The following ZNF532 variants were observed in gnomAD, a reference collection of about 807,000 sequenced individuals.
ZNF532 encodes the protein zinc finger protein 532.
Under a neutral mutation model 89.3 loss-of-function variants are expected in ZNF532, and 22 were observed. The ratio of observed to expected loss-of-function variants is 0.25; its 90% CI spans 0.18 to 0.35. The LOEUF is 0.35. Ranked by LOEUF, ZNF532 falls within the 10% of genes least tolerant of loss-of-function variation. ZNF532 has a pLI of 1.00. For missense variants in ZNF532, 1,132 were observed against 1,643.4 expected (o/e 0.69, Z 5.38); for synonymous variants, 606 against 649.6 (o/e 0.93, Z 1.02).
intron 3 of ZNF532, among the ~76,000 whole-genome samples, chr18:58,931,480 A>G (rs2146390020): frequency 6.6e-6 from 1 of 152,314 alleles, no homozygotes; most frequent in East Asian, 1.9e-4. Flanking sequence ...CATCACCACT[A>G]TCATGGGAAA....
At chr18:58,973,756 A>C (rs1417836066) in intron 7 of ZNF532, among the ~76,000 whole-genome samples, 2 of 152,238 alleles carry the variant, frequency 1.3e-5, no homozygotes, top group Non-Finnish European at 2.9e-5. Flanking sequence ...TCACTTGGCA[A>C]GTGAATAAAC....
chr18:58,911,819 C>G (rs2060301772), intron 2 of ZNF532, among the ~76,000 whole-genome samples: 1 of 152,236 alleles, frequency 6.6e-6, no homozygotes, highest in African/African-American at 2.4e-5. Flanking sequence ...TTCCCTGGAG[C>G]TTCTCTCCTG....
chr18:58,901,386 C>T (rs2059591938), intron 2 of ZNF532, among the ~76,000 whole-genome samples: 1 of 152,210 alleles, frequency 6.6e-6, no homozygotes, highest in Non-Finnish European at 1.5e-5. Flanking sequence ...CGCTCGGCCT[C>T]TGGCAGTTTT....
chr18:58,900,006 T>C (rs185878225), intron 2 of ZNF532, among the ~76,000 whole-genome samples: 5 of 152,344 alleles, frequency 3.3e-5, no homozygotes, highest in East Asian at 3.9e-4. Context: ...ATTGTACATA[T>C]ATTCTTTTCT....
Position 58,918,906 on chromosome 18 carries a change from G to A in ZNF532, c.619G>A (p.Ala207Thr). Residue 207 changes from alanine (A) to threonine (T), a missense_variant, in exon 3 of 10, where the codon GCC becomes ACC. By Grantham distance (58) the Ala-to-Thr change is moderately conservative (BLOSUM62 0). Around this residue, in one of 9 missense-constraint regions of ZNF532, gnomAD observed 302 missense variants for 319.8 expected, o/e 0.94. Coordinates refer to ENST00000591808, the MANE Select transcript of ZNF532 (RefSeq NM_001375912.1). ...CAAAGCTGTTAAGAGAGAAACAGAA[G>A]CCAGTTCTATAAACCTGAGTGTTTA... ...KNKAVKRETE[A>T]SSINLSVYEP... The A allele has an allele frequency of 6.2e-7, 1 of 1,614,076 alleles. No homozygotes were observed. The highest frequency in any genetic ancestry group is 8.5e-7 in the Non-Finnish European group (1 of 1,180,046).
chr18:58,896,214 G>C (rs940228233), intron 2 of ZNF532, among the ~76,000 whole-genome samples: 1 of 151,876 alleles, frequency 6.6e-6, no homozygotes, highest in Non-Finnish European at 1.5e-5. Context: ...TTTTGTTGTT[G>C]TTGTTTGTTT....
At chr18:58,896,741 A>C (rs533522575) in intron 2 of ZNF532, 4 of 152,352 alleles carry the variant, frequency 2.6e-5, no homozygotes, top group East Asian at 1.9e-4. Flanking sequence ...AAGTAAAACA[A>C]CACCACCACA....
chr18:58,878,079 A>G (rs1297145539), intron 2 of ZNF532, among the ~76,000 whole-genome samples: 1 of 151,966 alleles, frequency 6.6e-6, no homozygotes, highest in African/African-American at 2.4e-5. Flanking sequence ...ACATGGTGAA[A>G]CCCAGTCTCT....
Position 58,918,827 on chromosome 18 carries a change from A to T in ZNF532, c.540A>T (p.Gly180=), listed in dbSNP as rs1293996902. 6.2e-7 allele frequency: 1 copy of T among 1,614,172 alleles called. No individual in the cohort carries two copies. Among genetic ancestry groups the T allele is most frequent in the Non-Finnish European group, 8.5e-7 (1 of 1,180,034 alleles). Residue 180 remains glycine (G), a synonymous_variant, in exon 3 of 10, where the codon GGA becomes GGT. Transcript: ENST00000591808. ...QQDYDKLKAL[G]GENSSKTGLS... ...ACTACGATAAGCTGAAGGCACTCGGAGGGGAAAACTCCAGCAAAACTGGAC... is the reference window on the plus strand; with the variant it reads ...ACTACGATAAGCTGAAGGCACTCGGTGGGGAAAACTCCAGCAAAACTGGAC...
intron 2 of ZNF532, among the ~76,000 whole-genome samples, chr18:58,914,832 G>A (rs908434635): frequency 6.6e-6 from 1 of 152,158 alleles, no homozygotes; most frequent in African/African-American, 2.4e-5. Flanking sequence ...AAATGAGATC[G>A]TTCTATTTTA....
intron 5 of ZNF532, among the ~76,000 whole-genome samples, chr18:58,943,683 G>C (rs192096641): frequency 6.6e-6 from 1 of 151,972 alleles, no homozygotes; most frequent in Admixed American, 6.6e-5. Context: ...GGAGGGTCTC[G>C]ATCTCTTTAC....
rs73439977 is a variant in ZNF532, at chr18:58,965,454, T to A, written c.3150+11655T>A. Among the ~76,000 whole-genome samples the A allele has an allele frequency of 8.8e-3, 1,341 of 152,380 alleles. 16 individuals are homozygous for A. The highest frequency in any genetic ancestry group is 0.031 in the African/African-American group (1,283 of 41,596). On this transcript the variant is annotated intron_variant, in intron 7 of 9. Coordinates refer to ENST00000591808, the MANE Select transcript of ZNF532 (RefSeq NM_001375912.1). ...CCCAGACTCTGCAGTTTGCACAGAA[T>A]GAAAGCTGACATTTCAAAAGCTGCT...
At chr18:58,920,735 C>CGTGTGTGTGT (rs5825306) in intron 3 of ZNF532, 102 bp downstream of exon 3, 13 of 421,502 alleles carry the variant, frequency 3.1e-5, no homozygotes, top group South Asian at 3.8e-5. Flanking sequence ...GTGAAATGGA[C>CGTGTGTGTGT]GTGTGTGTGT....
chr18:58,932,050 C>T (rs1236644301), intron 3 of ZNF532, among the ~76,000 whole-genome samples: 1 of 152,194 alleles, frequency 6.6e-6, no homozygotes, highest in East Asian at 1.9e-4. Context: ...CGTGGATATG[C>T]ATGCATCTAC....
chr18:58,891,608 G>A (rs531322368), intron 2 of ZNF532, among the ~76,000 whole-genome samples: 2 of 152,342 alleles, frequency 1.3e-5, no homozygotes, highest in East Asian at 3.9e-4. Context: ...TGCTTTGTAA[G>A]TGTGATTAAA....
At chr18:58,933,517 T>C (rs1827259888) in intron 3 of ZNF532, among the ~76,000 whole-genome samples, 1 of 152,234 alleles carries the variant, frequency 6.6e-6, no homozygotes, top group South Asian at 2.1e-4. Context: ...TTTTAGAAGA[T>C]GGTAGATAAT....
intron 2 of ZNF532, among the ~76,000 whole-genome samples, chr18:58,893,440 G>A (rs1221053937): frequency 1.3e-5 from 2 of 152,086 alleles, no homozygotes; most frequent in African/African-American, 4.8e-5. Context: ...GCTGAGATGG[G>A]TGGATCGCTT....
intron 7 of ZNF532, among the ~76,000 whole-genome samples, chr18:58,971,980 G>A (rs184928906): frequency 2.2e-3 from 334 of 152,324 alleles, no homozygotes; most frequent in African/African-American, 7.7e-3. Flanking sequence ...GAGGCGGGTA[G>A]ATCACCTGAG....
intron 7 of ZNF532, among the ~76,000 whole-genome samples, chr18:58,976,918 A>G (rs1219467984): frequency 6.6e-6 from 1 of 152,228 alleles, no homozygotes; most frequent in African/African-American, 2.4e-5. Flanking sequence ...TTAAAGCTTT[A>G]AAATAAATAA....
Sources: allele counts gnomAD v4.1 joint callset (sites outside exome capture counted in the v4.1 genomes callset), GRCh38; gene constraint gnomAD v4.1.1; regional missense constraint gnomAD v4.1.1; transcripts MANE v1.5; gene names NCBI Gene and HGNC (gene_info 2026-07-23, HGNC 2026-07-21).